The following PITPNC1 variants were observed in gnomAD, a reference collection of about 807,000 sequenced individuals.
The protein encoded by PITPNC1 is phosphatidylinositol transfer protein cytoplasmic 1, also known as cytoplasmic phosphatidylinositol transfer protein 1.
PITPNC1 carries 18 observed loss-of-function variants against 44.7 expected under a neutral mutation model. That is an observed-to-expected ratio of 0.40 (90% confidence interval 0.28 to 0.60). The LOEUF is 0.60. PITPNC1 is among the 20% of genes least tolerant of loss of function. The pLI, the probability that PITPNC1 is intolerant of heterozygous loss-of-function variation, is 0.39. For missense variants in PITPNC1, 290 were observed against 418.4 expected (o/e 0.69, Z 2.68); for synonymous variants, 141 against 149.6 (o/e 0.94, Z 0.42).
intron 1 of PITPNC1, among the ~76,000 whole-genome samples, chr17:67,446,911 G>A (rs940352640): frequency 6.6e-6 from 1 of 151,648 alleles, no homozygotes; most frequent in Non-Finnish European, 1.5e-5. Flanking sequence ...GCAACATGGT[G>A]AAACCCCATC....
At position 67,563,619 on chromosome 17, in the gene PITPNC1, T is replaced by G. The variant is rs181281633; in HGVS notation, c.294+10002T>G. ...TTCCATGGACAGGTCTCAGTGGCCA[T>G]TCTGTCCCTAATATTTTATTTAAAG... On this transcript the variant is annotated intron_variant, in intron 4 of 8. Coordinates refer to ENST00000581322, the MANE Select transcript of PITPNC1 (RefSeq NM_012417.4). 5.8e-4 allele frequency among the ~76,000 whole-genome samples: 89 copies of G among 152,340 alleles called. 1 individual carries two copies. Among genetic ancestry groups the G allele is most frequent in the Admixed American group, 2.1e-3 (32 of 15,292 alleles).
chr17:67,563,409 C>A (rs966442064), intron 4 of PITPNC1, among the ~76,000 whole-genome samples: 10 of 152,194 alleles, frequency 6.6e-5, no homozygotes, highest in African/African-American at 2.4e-4. Flanking sequence ...ATAAATACTT[C>A]ATCAACCCCA....
At chr17:67,621,741 G>C (rs552952033) in intron 5 of PITPNC1, among the ~76,000 whole-genome samples, 1 of 152,188 alleles carries the variant, frequency 6.6e-6, no homozygotes, top group East Asian at 1.9e-4. Context: ...CTGTCCTTAA[G>C]TACAGTAATT....
intron 1 of PITPNC1, among the ~76,000 whole-genome samples, chr17:67,479,968 G>A (rs946683648): frequency 6.6e-6 from 1 of 152,190 alleles, no homozygotes; most frequent in Non-Finnish European, 1.5e-5. Flanking sequence ...GACTTTCCCT[G>A]AATTATTTAT....
intron 5 of PITPNC1, among the ~76,000 whole-genome samples, chr17:67,601,524 G>C (rs1178165600): frequency 1.3e-5 from 2 of 152,080 alleles, no homozygotes; most frequent in East Asian, 3.9e-4. Flanking sequence ...GCTGGAGAAG[G>C]AGGATCACTT....
chr17:67,379,895 A>C lies in PITPNC1; in HGVS notation c.48+1693A>C, dbSNP rs535071650. On this transcript the variant is annotated intron_variant, in intron 1 of 8. Coordinates refer to ENST00000581322, the MANE Select transcript of PITPNC1 (RefSeq NM_012417.4). ...ACCAGTTCTAGAATCTTCTCTACTA[A>C]CTACAAAATCTCTTTATCCTAGTTG... Among the ~76,000 whole-genome samples the C allele has an allele frequency of 2.6e-5, 4 of 152,198 alleles. No homozygotes were observed. In the East Asian group the frequency reaches 7.7e-4, roughly 29 times the overall value.
In PITPNC1 at chr17:67,519,171, G is replaced by GTTT. The variant is rs563294178; in HGVS notation, c.49-13610_49-13608dup. Among the ~76,000 whole-genome samples the GTTT allele has an allele frequency of 1.7e-3, 130 of 78,736 alleles. 1 individual carries two copies. Among genetic ancestry groups the GTTT allele is most frequent in the African/African-American group, 2.1e-3 (40 of 19,004 alleles). The allele number at this position is 78,736 out of a possible 152,430, so 51.7% of individuals were successfully genotyped here. On this transcript the variant is annotated intron_variant, in intron 1 of 8. Transcript: ENST00000581322. ...ATACTCATGTTCACAGCAGCATTCTGTTTTTTTTTTTTTTTTTTTTTTTGA... is the reference window on the plus strand; with the variant it reads ...ATACTCATGTTCACAGCAGCATTCTGTTTTTTTTTTTTTTTTTTTTTTTTTTGA...
chr17:67,621,473 G>A (rs1225840893), intron 5 of PITPNC1, among the ~76,000 whole-genome samples: 1 of 152,082 alleles, frequency 6.6e-6, no homozygotes, highest in Non-Finnish European at 1.5e-5. Flanking sequence ...CTCCCAAAGT[G>A]TTTGGATTAC....
At chr17:67,631,655 A>ATATATATATAT (rs57804710) in intron 5 of PITPNC1, among the ~76,000 whole-genome samples, 96 of 8,246 alleles carry the variant, frequency 0.012, 4 homozygotes, top group African/African-American at 0.034. Flanking sequence ...AAAAAAAAAA[A>ATATATATATAT]AAATATATAT....
chr17:67,512,772 C>A (rs2040205130), intron 1 of PITPNC1, among the ~76,000 whole-genome samples: 1 of 146,832 alleles, frequency 6.8e-6, no homozygotes, highest in South Asian at 2.1e-4. Flanking sequence ...ATTTTATTGA[C>A]TTTTTTTTTT....
At chr17:67,498,001 C>G (rs2039978681) in intron 1 of PITPNC1, among the ~76,000 whole-genome samples, 1 of 151,962 alleles carries the variant, frequency 6.6e-6, no homozygotes, top group Non-Finnish European at 1.5e-5. Flanking sequence ...GCTGGGACCA[C>G]AGGCATGCGC....
chr17:67,564,063 T>C (rs2040941166), intron 4 of PITPNC1, among the ~76,000 whole-genome samples: 1 of 152,002 alleles, frequency 6.6e-6, no homozygotes, highest in African/African-American at 2.4e-5. Flanking sequence ...GATAGGTAGA[T>C]TGGATGGATG....
chr17:67,681,337 G>T (rs1258907289), intron 8 of PITPNC1, among the ~76,000 whole-genome samples: 1 of 152,122 alleles, frequency 6.6e-6, no homozygotes, highest in Non-Finnish European at 1.5e-5. Flanking sequence ...ATTTGGCCAG[G>T]TGTGGTTGTT....
chr17:67,476,635 G>A (rs2039634619), intron 1 of PITPNC1, among the ~76,000 whole-genome samples: 1 of 152,032 alleles, frequency 6.6e-6, no homozygotes, highest in Admixed American at 6.6e-5. Flanking sequence ...CAGATATACA[G>A]ATTTATTTTT....
At position 67,404,965 on chromosome 17, in the gene PITPNC1, G is replaced by A. The variant is rs142479589; in HGVS notation, c.48+26763G>A. ...TATGGTCATTTAAATTCAGATTTAG[G>A]GCCAGGCACCGTCACTCACGCCTAT... is the stretch of plus-strand genomic sequence containing the variant. On this transcript the variant is annotated intron_variant, in intron 1 of 8. Coordinates refer to ENST00000581322, the MANE Select transcript of PITPNC1 (RefSeq NM_012417.4). Among the ~76,000 whole-genome samples, 201 of 152,204 alleles carry A rather than the reference G, an allele frequency of 1.3e-3. 2 individuals carry two copies. In the South Asian group the frequency reaches 0.016, roughly 12 times the overall value.
At chr17:67,409,071 C>CTTTTTTTTTTT (rs1159310735) in intron 1 of PITPNC1, among the ~76,000 whole-genome samples, 3 of 80,512 alleles carry the variant, frequency 3.7e-5, no homozygotes, top group Non-Finnish European at 4.5e-5. Context: ...CAAATTCATT[C>CTTTTTTTTTTT]TTTTTTTTTT....
chr17:67,541,298 G>A (rs1372900461), intron 2 of PITPNC1, among the ~76,000 whole-genome samples: 2 of 152,150 alleles, frequency 1.3e-5, no homozygotes, highest in African/African-American at 4.8e-5. Context: ...GGAATTACAG[G>A]CCATTTTCTA....
intron 4 of PITPNC1, among the ~76,000 whole-genome samples, chr17:67,560,318 T>G (rs1437979530): frequency 6.6e-6 from 1 of 152,242 alleles, no homozygotes; most frequent in East Asian, 1.9e-4. Context: ...TGTTATTTTT[T>G]TCTAAATTTC....
chr17:67,556,423 T>C (rs2144179083), intron 4 of PITPNC1, among the ~76,000 whole-genome samples: 1 of 152,288 alleles, frequency 6.6e-6, no homozygotes, highest in African/African-American at 2.4e-5. Flanking sequence ...ACATGTTGCA[T>C]GGGACATAAT....
Sources: allele counts gnomAD v4.1 joint callset (sites outside exome capture counted in the v4.1 genomes callset), GRCh38; gene constraint gnomAD v4.1.1; transcripts MANE v1.5; gene names NCBI Gene and HGNC (gene_info 2026-07-23, HGNC 2026-07-21).